SNTG1: variants seen among roughly 807,000 people sequenced by gnomAD.
The protein encoded by SNTG1 is syntrophin gamma 1, also known as gamma-1-syntrophin.
In SNTG1, 39 loss-of-function variants were observed where a neutral mutation model predicts 74.7. The ratio of observed to expected loss-of-function variants is 0.52; its 90% CI spans 0.40 to 0.68. The LOEUF is 0.68. Ranked by LOEUF, SNTG1 falls within the 30% of genes least tolerant of loss-of-function variation. SNTG1 has a pLI of 0.00. For missense variants in SNTG1, 685 were observed against 609.5 expected, an observed-to-expected ratio of 1.12 and a Z score of -1.30; for synonymous variants, 254 against 217.1, an observed-to-expected ratio of 1.17 and a Z score of -1.49.
chr8:50,190,335 A>G (rs2083525154), intron 2 of SNTG1, among the ~76,000 whole-genome samples: 1 of 152,168 alleles, frequency 6.6e-6, no homozygotes, highest in Non-Finnish European at 1.5e-5. Context: ...GAACAGTCAG[A>G]ACAAAAGGTG....
At position 49,954,239 on chromosome 8, in the gene SNTG1, G is replaced by A. The variant is rs570303171; in HGVS notation, c.-103+42008G>A. Among the ~76,000 whole-genome samples the A allele has an allele frequency of 8.0e-4, 122 of 152,274 alleles. 1 individual carries two copies. Among genetic ancestry groups the A allele is most frequent in the Middle Eastern group, 3.4e-3 (1 of 292 alleles). On this transcript the variant is annotated intron_variant, in intron 1 of 18. Coordinates refer to ENST00000642720, the MANE Select transcript of SNTG1 (RefSeq NM_018967.5). Reference sequence around the variant, plus strand: ...TATGGTTAGAAAGTAAAACTTAAATGAATGTTATTGTCTTAAAGTGTAGTA... The same window carrying A: ...TATGGTTAGAAAGTAAAACTTAAATAAATGTTATTGTCTTAAAGTGTAGTA...
intron 11 of SNTG1, among the ~76,000 whole-genome samples, chr8:50,545,344 A>C (rs963460008): frequency 9.2e-5 from 14 of 151,678 alleles, no homozygotes; most frequent in African/African-American, 3.1e-4. Flanking sequence ...ATAATATTGC[A>C]GTGTCAAGGG....
At chr8:50,308,401 T>C (rs987225993) in intron 2 of SNTG1, among the ~76,000 whole-genome samples, 1 of 152,148 alleles carries the variant, frequency 6.6e-6, no homozygotes, top group African/African-American at 2.4e-5. Context: ...TAGAGTTCAC[T>C]TGTATTTTCT....
chr8:50,286,722 G>A (rs2130503184), intron 2 of SNTG1: 1 of 152,326 alleles, frequency 6.6e-6, no homozygotes, highest in East Asian at 1.9e-4. Context: ...TCTGGGTTAA[G>A]GTTGGGGAAT....
rs564005673 is a variant in SNTG1, at chr8:50,536,608, A to C, written c.550-70A>C. 3.3e-6 allele frequency: 5 copies of C among 1,538,220 alleles called. No individual in the cohort carries two copies. In the Admixed American group the frequency reaches 9.6e-5, roughly 29 times the overall value. On this transcript the variant is annotated intron_variant, in intron 10 of 18. Transcript: ENST00000642720. ...GGAAAAATAATATCCCCCAGATAAA[A>C]GGGGTTTGAGATACAGAAACTCAAA...
chr8:50,343,928 G>A (rs2130952892), intron 2 of SNTG1, among the ~76,000 whole-genome samples: 1 of 151,752 alleles, frequency 6.6e-6, no homozygotes, highest in South Asian at 2.1e-4. Flanking sequence ...TCCCAGGCTA[G>A]ACAATTTAGG....
intron 18 of SNTG1, among the ~76,000 whole-genome samples, chr8:50,755,500 T>A (rs1335940951): frequency 6.6e-6 from 1 of 151,908 alleles, no homozygotes; most frequent in African/African-American, 2.4e-5. Flanking sequence ...ATTTATCCAT[T>A]CACCTACAGA....
At chr8:49,940,101 T>G (rs547590644) in intron 1 of SNTG1, among the ~76,000 whole-genome samples, 1 of 152,224 alleles carries the variant, frequency 6.6e-6, no homozygotes, top group Non-Finnish European at 1.5e-5. Flanking sequence ...AAATTTGAGG[T>G]GCTTGGGTTG....
chr8:50,313,783 A>G (rs2090209578), intron 2 of SNTG1, among the ~76,000 whole-genome samples: 1 of 149,918 alleles, frequency 6.7e-6, no homozygotes, highest in South Asian at 2.2e-4. Flanking sequence ...CAATGTAAAG[A>G]ATTGACAGTG....
chr8:50,359,454 C>G (rs1342131652), intron 2 of SNTG1, among the ~76,000 whole-genome samples: 1 of 152,178 alleles, frequency 6.6e-6, no homozygotes, highest in Non-Finnish European at 1.5e-5. Context: ...TGGCCTTGCA[C>G]TATAAAACAA....
intron 12 of SNTG1, among the ~76,000 whole-genome samples, chr8:50,589,628 A>G (rs545780446): frequency 6.6e-6 from 1 of 152,202 alleles, no homozygotes; most frequent in Admixed American, 6.5e-5. Context: ...GAAGCTACAT[A>G]GTACATTATT....
Position 50,342,550 on chromosome 8 carries a change from T to A in SNTG1, c.-27-51662T>A, listed in dbSNP as rs77151733. Among the ~76,000 whole-genome samples, 1,278 of 152,292 alleles carry A rather than the reference T, an allele frequency of 8.4e-3. 7 individuals are homozygous for A. Among genetic ancestry groups the A allele is most frequent in the Non-Finnish European group, 0.013 (917 of 67,996 alleles). On this transcript the variant is annotated intron_variant, in intron 2 of 18. Transcript: ENST00000642720. The stretch of plus-strand genomic sequence containing the variant: ...AGAAATATATTTAGAAAGAAGTATT[T>A]TGGCTTCAAGTATTTAAAACACATC...
chr8:50,425,332 G>T (rs1165147482), intron 4 of SNTG1, among the ~76,000 whole-genome samples: 1 of 151,326 alleles, frequency 6.6e-6, no homozygotes, highest in Non-Finnish European at 1.5e-5. Flanking sequence ...CCTCCCATCA[G>T]ATCATCAGCA....
intron 13 of SNTG1, among the ~76,000 whole-genome samples, chr8:50,623,262 A>G (rs1011613666): frequency 6.6e-6 from 1 of 152,116 alleles, no homozygotes; most frequent in Admixed American, 6.6e-5. Flanking sequence ...CTGAGAGGAA[A>G]AAATTTCAGT....
At chr8:50,162,179 C>G (rs748358171) in intron 1 of SNTG1, among the ~76,000 whole-genome samples, 10 of 152,140 alleles carry the variant, frequency 6.6e-5, no homozygotes, top group Non-Finnish European at 1.3e-4. Flanking sequence ...GTCAGAGCAG[C>G]TCTGTGAATA....
At chr8:50,145,839 A>G (rs937091603) in intron 1 of SNTG1, among the ~76,000 whole-genome samples, 1 of 151,816 alleles carries the variant, frequency 6.6e-6, no homozygotes, top group Non-Finnish European at 1.5e-5. Flanking sequence ...GAATAATTAG[A>G]TATCTATGAA....
intron 18 of SNTG1, among the ~76,000 whole-genome samples, chr8:50,790,404 C>T (rs1296398994): frequency 6.6e-6 from 1 of 151,792 alleles, no homozygotes; most frequent in Non-Finnish European, 1.5e-5. Context: ...TCATGATGAT[C>T]ATAAGACTTT....
At chr8:50,651,000 C>G (rs2095141924) in intron 13 of SNTG1, among the ~76,000 whole-genome samples, 1 of 152,040 alleles carries the variant, frequency 6.6e-6, no homozygotes, top group South Asian at 2.1e-4. Flanking sequence ...TGCGCCTGGC[C>G]TCTCATTTAA....
At chr8:50,475,471 C>T (rs771642257) in intron 8 of SNTG1, among the ~76,000 whole-genome samples, 1 of 152,130 alleles carries the variant, frequency 6.6e-6, no homozygotes, top group Non-Finnish European at 1.5e-5. Context: ...CATTTGCCTA[C>T]CTGACTTCTG....
Sources: allele counts gnomAD v4.1 joint callset (sites outside exome capture counted in the v4.1 genomes callset), GRCh38; gene constraint gnomAD v4.1.1; transcripts MANE v1.5; gene names NCBI Gene and HGNC (gene_info 2026-07-23, HGNC 2026-07-21).